The following F13A1 variants were observed in gnomAD, a reference collection of about 807,000 sequenced individuals.
F13A1 encodes FSF, A subunit.
Under a neutral mutation model 80.1 loss-of-function variants are expected in F13A1, and 47 were observed. That is an observed-to-expected ratio of 0.59 (90% CI 0.46 to 0.75). F13A1 has a LOEUF of 0.75. Ranked by LOEUF, F13A1 falls within the 30% of genes least tolerant of loss-of-function variation. The probability of loss-of-function intolerance (pLI) is 0.00; values close to 1 mark genes in which losing one functional copy is unlikely to be tolerated. For missense variants in F13A1, 817 were observed against 930.4 expected (o/e 0.88, Z 1.59); for synonymous variants, 349 against 344.9 (o/e 1.01, Z -0.13).
intron 3 of F13A1, among the ~76,000 whole-genome samples, chr6:6,293,252 TG>T (rs1758250029): frequency 6.6e-6 from 1 of 152,054 alleles, no homozygotes; most frequent in African/African-American, 2.4e-5. Context: ...GGGGGAGACC[TG>T]GTAAGAAATA....
chr6:6,161,551 T>TGTGTGTGTGTGA (rs1010361754), intron 13 of F13A1, among the ~76,000 whole-genome samples: 99 of 146,374 alleles, frequency 6.8e-4, no homozygotes, highest in African/African-American at 2.2e-3. Context: ...TGTGTGTGTG[T>TGTGTGTGTGTGA]GAGAGAGAGA....
chr6:6,197,666 G>A (rs1460382485), intron 8 of F13A1, among the ~76,000 whole-genome samples: 1 of 142,956 alleles, frequency 7.0e-6, no homozygotes, highest in African/African-American at 2.7e-5. Flanking sequence ...GACAGAGGGA[G>A]ACTCCATCTC....
intron 6 of F13A1, among the ~76,000 whole-genome samples, chr6:6,238,808 G>A (rs1002377561): frequency 1.3e-5 from 2 of 151,578 alleles, no homozygotes; most frequent in Admixed American, 1.3e-4. Context: ...ACAATGAAAT[G>A]CCACTATATA....
intron 6 of F13A1, among the ~76,000 whole-genome samples, chr6:6,240,758 GA>G (rs1757473887): frequency 6.6e-6 from 1 of 152,182 alleles, no homozygotes; most frequent in South Asian, 2.1e-4. Flanking sequence ...AATCCCTGGT[GA>G]ATAAGGTGAC....
At chr6:6,280,699 A>G (rs1758048333) in intron 3 of F13A1, among the ~76,000 whole-genome samples, 2 of 152,280 alleles carry the variant, frequency 1.3e-5, no homozygotes, top group African/African-American at 4.8e-5. Flanking sequence ...GGGGAACACA[A>G]TTGTTCTTGA....
chr6:6,269,416 A>G (rs1430805089), intron 3 of F13A1, among the ~76,000 whole-genome samples: 4 of 152,028 alleles, frequency 2.6e-5, no homozygotes, highest in Non-Finnish European at 5.9e-5. Flanking sequence ...GCCCAAATCT[A>G]TTTCAAAGGC....
intron 3 of F13A1, 190 bp downstream of exon 3, chr6:6,305,161 C>A: frequency 1.5e-6 from 1 of 680,386 alleles, no homozygotes; most frequent in Non-Finnish European, 2.6e-6. Flanking sequence ...CTTGGGTGGG[C>A]CCAAGTTATC....
intron 10 of F13A1, among the ~76,000 whole-genome samples, chr6:6,185,434 A>G (rs1441170609): frequency 2.5e-5 from 3 of 121,230 alleles, no homozygotes; most frequent in Non-Finnish European, 5.5e-5. Context: ...ATGTGATCTC[A>G]TTGTTCAATT....
chr6:6,192,349 G>A (rs1761216316), intron 10 of F13A1, among the ~76,000 whole-genome samples: 1 of 152,172 alleles, frequency 6.6e-6, no homozygotes, highest in Non-Finnish European at 1.5e-5. Context: ...GGATCAGGGA[G>A]ATGAGTTAGG....
intron 3 of F13A1, among the ~76,000 whole-genome samples, chr6:6,271,002 G>A (rs1327480603): frequency 6.6e-6 from 1 of 152,216 alleles, no homozygotes; most frequent in Non-Finnish European, 1.5e-5. Context: ...ACCAAAGGGT[G>A]AAGGCTGAGC....
intron 2 of F13A1, 27 bp downstream of exon 2, chr6:6,318,508 T>C: frequency 1.3e-6 from 2 of 1,594,940 alleles, no homozygotes; most frequent in Non-Finnish European, 8.5e-7. Context: ...GGACCCAGAG[T>C]GGTGGGGAAG....
intron 6 of F13A1, 91 bp from the exon 7 acceptor site, chr6:6,224,951 G>A (rs534591400): frequency 3.8e-6 from 5 of 1,328,444 alleles, no homozygotes; most frequent in African/African-American, 1.4e-5. Context: ...GGCTGCCATT[G>A]CCTTCTATAT....
At chr6:6,270,677 C>T (rs1008922550) in intron 3 of F13A1, among the ~76,000 whole-genome samples, 5 of 152,046 alleles carry the variant, frequency 3.3e-5, no homozygotes, top group Non-Finnish European at 5.9e-5. Flanking sequence ...GACAGGGAAG[C>T]CTGTTCTCTT....
chr6:6,250,916 A>G lies in F13A1; in HGVS notation c.585T>C (p.Tyr195=). ...FNPWCEDDAV[Y]LDNEKEREEY... Reference sequence around the variant, plus strand: ...CTTCTCTTTCTTTCTCATTGTCCAGATACACAGCATCATCTGCATCAGGGT... The same window carrying G: ...CTTCTCTTTCTTTCTCATTGTCCAGGTACACAGCATCATCTGCATCAGGGT... The change falls in exon 5 of 15, where the codon TAT becomes TAC. Residue 195 remains tyrosine, a synonymous_variant. Coordinates refer to ENST00000264870, the MANE Select transcript of F13A1 (RefSeq NM_000129.4). The surrounding 1 kb of genome is among the most constrained non-coding windows in gnomAD (Gnocchi z 4.2). 2 of 1,609,440 alleles carry G rather than the reference A, an allele frequency of 1.2e-6. No individual in the cohort carries two copies. Among genetic ancestry groups the G allele is most frequent in the South Asian group, 2.2e-5 (2 of 91,018 alleles).
chr6:6,217,412 G>A (rs1229619259), intron 8 of F13A1, among the ~76,000 whole-genome samples: 1 of 151,330 alleles, frequency 6.6e-6, no homozygotes, highest in Non-Finnish European at 1.5e-5. Context: ...ATCATTCTCA[G>A]TAAACTATCA....
At position 6,315,212 on chromosome 6, in the gene F13A1, C is replaced by A. The variant is rs555279580; in HGVS notation, c.130+3323G>T. Among the ~76,000 whole-genome samples the A allele has an allele frequency of 2.0e-5, 3 of 152,270 alleles. No individual in the cohort carries two copies. In the South Asian group the frequency reaches 6.2e-4, roughly 32 times the overall value. Reference sequence around the variant, plus strand: ...TCCAGCTACACATAACCTTTCAGACCAGGAAGGCAGTGGAGAGATTTTTCA... The same window carrying A: ...TCCAGCTACACATAACCTTTCAGACAAGGAAGGCAGTGGAGAGATTTTTCA... On this transcript the variant is annotated intron_variant, in intron 2 of 14. Transcript: ENST00000264870.
At chr6:6,223,151 A>G (rs1757223520) in intron 7 of F13A1, among the ~76,000 whole-genome samples, 1 of 152,160 alleles carries the variant, frequency 6.6e-6, no homozygotes, top group East Asian at 1.9e-4. Context: ...ACTTTAGGGC[A>G]CCTGTTCCTC....
intron 3 of F13A1, among the ~76,000 whole-genome samples, chr6:6,292,355 C>T (rs1291895602): frequency 2.6e-5 from 4 of 152,128 alleles, no homozygotes; most frequent in Non-Finnish European, 5.9e-5. Context: ...TCGACCTTGA[C>T]CCTCCTCCCT....
chr6:6,286,313 G>A (rs1758139428), intron 3 of F13A1, among the ~76,000 whole-genome samples: 1 of 152,214 alleles, frequency 6.6e-6, no homozygotes, highest in Non-Finnish European at 1.5e-5. Flanking sequence ...TTGAACCTGG[G>A]AAGTGGAGGT....
Sources: allele counts gnomAD v4.1 joint callset (sites outside exome capture counted in the v4.1 genomes callset), GRCh38; gene constraint gnomAD v4.1.1; non-coding constraint Gnocchi (gnomAD v3.1); transcripts MANE v1.5; gene names NCBI Gene and HGNC (gene_info 2026-07-23, HGNC 2026-07-21).